SIN3B: variants seen among roughly 807,000 people sequenced by gnomAD.
The protein encoded by SIN3B is SIN3 transcription regulator family member B, also known as paired amphipathic helix protein Sin3b.
A neutral mutation model predicts 120.2 loss-of-function variants in SIN3B; 19 were observed. That is an observed-to-expected ratio of 0.16 (90% CI 0.11 to 0.23). The LOEUF (loss-of-function observed/expected upper bound fraction) is 0.23. Among genes scored for constraint, SIN3B ranks in the 10% least tolerant of loss-of-function variants. The pLI is 1.00. For synonymous variants in SIN3B, 654 were observed against 653.2 expected (o/e 1.00, Z -0.02); for missense variants, 1,073 against 1,573.0 (o/e 0.68, Z 5.38).
At chr19:16,835,765 C>T (rs560599944) in intron 3 of SIN3B, among the ~76,000 whole-genome samples, 1 of 152,266 alleles carries the variant, frequency 6.6e-6, no homozygotes, top group Admixed American at 6.5e-5. Context: ...AGTGATCCCC[C>T]ACCTCAGCCT....
intron 10 of SIN3B, 181 bp from the exon 11 acceptor site, chr19:16,865,229 G>A (rs1179928256): frequency 1.7e-6 from 1 of 582,704 alleles, no homozygotes; most frequent in Non-Finnish European, 3.1e-6. Flanking sequence ...AGGAGGTTGA[G>A]GCTGCAGTGA....
intron 10 of SIN3B, among the ~76,000 whole-genome samples, chr19:16,864,642 T>C (rs1184869018): frequency 6.6e-5 from 10 of 151,898 alleles, no homozygotes; most frequent in Non-Finnish European, 1.5e-5. Context: ...AATTTTTTTT[T>C]CCTTTTTTTA....
At chr19:16,833,755 G>A (rs967829082) in intron 3 of SIN3B, among the ~76,000 whole-genome samples, 2 of 150,786 alleles carry the variant, frequency 1.3e-5, no homozygotes, top group South Asian at 2.1e-4. Flanking sequence ...AAGGAGTCTC[G>A]CTCTGTCACC....
In SIN3B at chr19:16,857,620, C is replaced by G. The variant is rs571516550; in HGVS notation, c.1058+3359C>G. On this transcript the variant is annotated intron_variant, in intron 8 of 18. Coordinates refer to ENST00000248054, the MANE Select transcript of SIN3B (RefSeq NM_001297595.2). ...CAGATCCAAGAAACCACATGGCCAACAAATGGCTTGAATCTTTATTAAGCA... is the reference window on the plus strand; with the variant it reads ...CAGATCCAAGAAACCACATGGCCAAGAAATGGCTTGAATCTTTATTAAGCA... Among the ~76,000 whole-genome samples, 3 of 150,996 alleles carry G rather than the reference C, an allele frequency of 2.0e-5. No individual in the cohort carries two copies. The South Asian group carries it at 6.3e-4, about 32-fold the overall frequency.
At chr19:16,878,040 C>G (rs1412254599) in intron 17 of SIN3B, 143 bp from the exon 18 acceptor site, 3 of 703,868 alleles carry the variant, frequency 4.3e-6, no homozygotes, top group Non-Finnish European at 7.0e-6. Context: ...GGGGGCATTT[C>G]TTGTTGCTTC....
chr19:16,857,553 G>GTGTGTGTGTGTGTGTGTGTA lies in SIN3B; in HGVS notation c.1058+3293_1058+3294insGTGTGTGTGTGTGTGTGTAT, dbSNP rs66778532. Among the ~76,000 whole-genome samples the GTGTGTGTGTGTGTGTGTGTA allele has an allele frequency of 4.4e-3, 607 of 139,506 alleles. 8 individuals are homozygous for GTGTGTGTGTGTGTGTGTGTA. Among genetic ancestry groups the GTGTGTGTGTGTGTGTGTGTA allele is most frequent in the Middle Eastern group, 0.011 (3 of 276 alleles). The allele number at this position is 139,506 out of a possible 152,430, so 91.5% of individuals were successfully genotyped here. On this transcript the variant is annotated intron_variant, in intron 8 of 18. Coordinates refer to ENST00000248054, the MANE Select transcript of SIN3B (RefSeq NM_001297595.2). ...TGTGTGTGTGTGTGTGTGTGTGTGT[G>GTGTGTGTGTGTGTGTGTGTA]TATATATACACATAAACATTTTTCT...
intron 11 of SIN3B, 52 bp from the exon 12 acceptor site, chr19:16,866,321 C>T: frequency 6.4e-7 from 1 of 1,556,106 alleles, no homozygotes; most frequent in East Asian, 2.2e-5. Context: ...TGGGATGCTT[C>T]AGGGAGGATG....
intron 3 of SIN3B, among the ~76,000 whole-genome samples, chr19:16,837,034 G>T (rs1054280685): frequency 6.6e-6 from 1 of 152,126 alleles, no homozygotes; most frequent in Non-Finnish European, 1.5e-5. Flanking sequence ...TGCGGGTGGC[G>T]CATGGGAGAG....
intron 3 of SIN3B, among the ~76,000 whole-genome samples, chr19:16,833,586 T>G (rs1437073479): frequency 1.3e-5 from 2 of 150,820 alleles, no homozygotes; most frequent in East Asian, 4.0e-4. Context: ...GAGCAGAGAT[T>G]GTGCCACTGC....
chr19:16,850,002 C>T (rs991978858), intron 5 of SIN3B, among the ~76,000 whole-genome samples: 3 of 148,668 alleles, frequency 2.0e-5, no homozygotes, highest in African/African-American at 5.0e-5. Context: ...TGTGTAGATG[C>T]CAATTTCTCC....
chr19:16,873,787 C>T (rs1272602650), intron 14 of SIN3B, among the ~76,000 whole-genome samples: 3 of 152,260 alleles, frequency 2.0e-5, no homozygotes, highest in South Asian at 2.1e-4. Context: ...AGCTGCATCT[C>T]CCTGGGCCAG....
intron 12 of SIN3B, among the ~76,000 whole-genome samples, chr19:16,867,792 C>T (rs1385934768): frequency 6.6e-6 from 1 of 152,168 alleles, no homozygotes; most frequent in Admixed American, 6.5e-5. Flanking sequence ...CCTCCCACCT[C>T]CCTTCCCGTG....
At chr19:16,864,838 T>A (rs11669107) in intron 10 of SIN3B, among the ~76,000 whole-genome samples, 61,981 of 141,834 alleles carry the variant, frequency 0.44, 12,888 homozygotes, top group Non-Finnish European at 0.46. Flanking sequence ...AAAAAAAAAA[T>A]TTTTTTTTTT....
At position 16,841,863 on chromosome 19, in the gene SIN3B, C is replaced by T. The variant is rs376960887; in HGVS notation, c.477C>T (p.Ser159=). Residue 159 remains serine, a synonymous_variant, in exon 4 of 19, where the codon TCC becomes TCT. Coordinates refer to ENST00000248054, the MANE Select transcript of SIN3B (RefSeq NM_001297595.2). ...CCCAGGTGCCCCTGGAGTCCGATTCCGTGGAATTCAACAACGCCATCAGCT... is the reference window on the plus strand; with the variant it reads ...CCCAGGTGCCCCTGGAGTCCGATTCTGTGGAATTCAACAACGCCATCAGCT... The part of the protein sequence containing the change: ...DKPQVPLESD[S]VEFNNAISYV... 5 of 1,614,068 alleles carry T rather than the reference C, an allele frequency of 3.1e-6. No individual in the cohort carries two copies. Among genetic ancestry groups the T allele is most frequent in the South Asian group, 1.1e-5 (1 of 91,062 alleles).
chr19:16,848,390 C>G (rs1971504519), intron 5 of SIN3B, among the ~76,000 whole-genome samples: 1 of 146,966 alleles, frequency 6.8e-6, no homozygotes, highest in Non-Finnish European at 1.5e-5. Flanking sequence ...CGGTTTCTGT[C>G]TCTCCACATG....
intron 8 of SIN3B, chr19:16,854,980 G>A (rs1382893570): frequency 6.6e-6 from 1 of 152,200 alleles, no homozygotes; most frequent in African/African-American, 2.4e-5. Context: ...TCTTGTTTAT[G>A]TGTCAATTAG....
intron 3 of SIN3B, among the ~76,000 whole-genome samples, chr19:16,838,424 G>A (rs1891831893): frequency 6.6e-6 from 1 of 152,130 alleles, no homozygotes; most frequent in South Asian, 2.1e-4. Context: ...TATCAGTGGG[G>A]TCATACACCG....
At chr19:16,870,694 G>A (rs1234516833) in intron 13 of SIN3B, among the ~76,000 whole-genome samples, 1 of 149,284 alleles carries the variant, frequency 6.7e-6, no homozygotes. Flanking sequence ...GGGATTACAG[G>A]CACCCACCAC....
Position 16,878,232 on chromosome 19 carries a change from C to A in SIN3B, c.3004C>A (p.Leu1002Met). The A allele has an allele frequency of 6.3e-7, 1 of 1,598,758 alleles. No homozygotes were observed. The highest frequency in any genetic ancestry group is 8.5e-7 in the Non-Finnish European group (1 of 1,172,854). ...RRWQSEQARA[L>M]RGEARSSWKR... ...GTGGCAGAGCGAGCAGGCGCGGGCCCTGCGCGGTGAGGCCAGGAGCTCCTG... is the reference window on the plus strand; with the variant it reads ...GTGGCAGAGCGAGCAGGCGCGGGCCATGCGCGGTGAGGCCAGGAGCTCCTG... Residue 1002 changes from leucine (L) to methionine (M), a missense_variant, in exon 18 of 19, where the codon CTG (leucine) becomes ATG (methionine). Physicochemically the swap from Leu to Met is conservative, Grantham distance 15. Transcript: ENST00000248054.
Sources: allele counts gnomAD v4.1 joint callset (sites outside exome capture counted in the v4.1 genomes callset), GRCh38; gene constraint gnomAD v4.1.1; transcripts MANE v1.5; gene names NCBI Gene and HGNC (gene_info 2026-07-23, HGNC 2026-07-21).